Variants in TRIM33 observed in about 807,000 individuals in gnomAD.
TRIM33 encodes E3 ubiquitin-protein ligase TRIM33.
Under a neutral mutation model 125.4 loss-of-function variants are expected in TRIM33, and 20 were observed. The observed-to-expected ratio is 0.16, with a 90% confidence interval of 0.11 to 0.23. The LOEUF (loss-of-function observed/expected upper bound fraction) is 0.23. TRIM33 is among the 10% of genes least tolerant of loss of function. The pLI is 1.00. For synonymous variants in TRIM33, 564 were observed against 513.9 expected, an observed-to-expected ratio of 1.10 and a Z score of -1.32; for missense variants, 920 against 1,411.4, an observed-to-expected ratio of 0.65 and a Z score of 5.58.
intron 11 of TRIM33, among the ~76,000 whole-genome samples, chr1:114,413,285 G>A (rs773973929): frequency 9.9e-5 from 15 of 152,058 alleles, no homozygotes; most frequent in South Asian, 2.1e-4. Context: ...GTAGCTGGGC[G>A]CAGTGGCTCA....
intron 1 of TRIM33, among the ~76,000 whole-genome samples, chr1:114,474,758 G>A (rs1484203932): frequency 1.3e-5 from 2 of 151,708 alleles, no homozygotes; most frequent in Non-Finnish European, 2.9e-5. Context: ...TGGGTGTGGT[G>A]GCGCATGCCT....
intron 1 of TRIM33, among the ~76,000 whole-genome samples, chr1:114,491,675 G>A (rs374231572): frequency 1.1e-4 from 16 of 152,038 alleles, no homozygotes; most frequent in African/African-American, 3.6e-4. Context: ...GTGGTAGCAT[G>A]GGCCTGTAGT....
chr1:114,480,293 G>C (rs536336653), intron 1 of TRIM33, among the ~76,000 whole-genome samples: 1 of 152,066 alleles, frequency 6.6e-6, no homozygotes, highest in South Asian at 2.1e-4. Context: ...TGCTCCTTAA[G>C]AGTCATCACC....
chr1:114,447,278 G>A (rs1649038072), intron 4 of TRIM33, among the ~76,000 whole-genome samples: 1 of 152,140 alleles, frequency 6.6e-6, no homozygotes, highest in South Asian at 2.1e-4. Flanking sequence ...TACGTGGTAG[G>A]AGTTGGTGAT....
rs1284650317 is a variant in TRIM33, at chr1:114,405,654, G to T, written c.2524C>A (p.Pro842Thr). 1 of 1,614,154 alleles carries T rather than the reference G, an allele frequency of 6.2e-7. No individual in the cohort carries two copies. Among genetic ancestry groups the T allele is most frequent in the Non-Finnish European group, 8.5e-7 (1 of 1,180,024 alleles). The part of the protein sequence containing the change: ...ASLENHVKIE[P>T]ADMNESCKQS... ...TTGCAGCTTTCATTCATATCTGCAG[G>T]TTCAATTTTCACATGGTTTTCCAGG... The change falls in exon 15 of 20, where the codon CCT becomes ACT. Residue 842 changes from proline (P) to threonine (T), a missense_variant. Pro to Thr is a conservative substitution (Grantham distance 38). Around this residue, in one of 8 missense-constraint regions of TRIM33, gnomAD observed 407 missense variants for 589.7 expected, o/e 0.69. Transcript: ENST00000358465.
chr1:114,483,274 C>G (rs998336008), intron 1 of TRIM33, among the ~76,000 whole-genome samples: 1 of 151,764 alleles, frequency 6.6e-6, no homozygotes, highest in East Asian at 1.9e-4. Flanking sequence ...ACCACTGCAC[C>G]CCAGCCTGGG....
intron 1 of TRIM33, chr1:114,468,340 G>T: frequency 7.0e-6 from 2 of 285,824 alleles, no homozygotes; most frequent in South Asian, 6.5e-5. Flanking sequence ...GATGATTTTT[G>T]ATCCTACTAT....
At chr1:114,434,516 A>C (rs1432832573) in intron 4 of TRIM33, among the ~76,000 whole-genome samples, 1 of 152,244 alleles carries the variant, frequency 6.6e-6, no homozygotes, top group Non-Finnish European at 1.5e-5. Flanking sequence ...CTATATGTTA[A>C]AATTTTCTAA....
chr1:114,431,917 T>C (rs998647518), intron 5 of TRIM33, among the ~76,000 whole-genome samples: 4 of 152,192 alleles, frequency 2.6e-5, no homozygotes, highest in Admixed American at 6.5e-5. Flanking sequence ...GGGCTGAAGA[T>C]AGAAATCACT....
In TRIM33 at chr1:114,421,533, C is replaced by T. The variant is rs747629915; in HGVS notation, c.1964G>A (p.Arg655Gln). ...TGTAACAGATGGGCTGGTGGGACCT[C>T]GGTTTGCATTTGCCATAGTTGCTGT... ...PTTATMANAN[R>Q]GPTSPSVTAI... The change falls in exon 11 of 20, where the codon CGA becomes CAA. Residue 655 changes from arginine to glutamine, a missense_variant. Coordinates refer to ENST00000358465, the MANE Select transcript of TRIM33 (RefSeq NM_015906.4). 3.7e-6 allele frequency: 6 copies of T among 1,613,928 alleles called. No homozygotes were observed. Among genetic ancestry groups the T allele is most frequent in the South Asian group, 1.1e-5 (1 of 91,074 alleles).
rs750850900 is a variant in TRIM33, at chr1:114,448,197, A to G, written c.924-14464T>C. On this transcript the variant is annotated intron_variant, in intron 4 of 19. Coordinates refer to ENST00000358465, the MANE Select transcript of TRIM33 (RefSeq NM_015906.4). ...CATGAGAGGGGATGGAACTCAGTGTATAAGTAGAGAAATTAGCTTTCTAAA... is the reference window on the plus strand; with the variant it reads ...CATGAGAGGGGATGGAACTCAGTGTGTAAGTAGAGAAATTAGCTTTCTAAA... 1.8e-4 allele frequency among the ~76,000 whole-genome samples: 28 copies of G among 152,256 alleles called. 1 individual carries two copies. The highest frequency in any genetic ancestry group is 8.8e-5 in the Non-Finnish European group (6 of 68,028).
At chr1:114,466,812 C>T (rs1650329681) in intron 1 of TRIM33, among the ~76,000 whole-genome samples, 1 of 152,192 alleles carries the variant, frequency 6.6e-6, no homozygotes, top group African/African-American at 2.4e-5. Flanking sequence ...AGGCTGGCGT[C>T]GAACTCCTGA....
intron 19 of TRIM33, 34 bp downstream of exon 19, chr1:114,397,906 C>T: frequency 6.2e-7 from 1 of 1,613,756 alleles, no homozygotes; most frequent in Non-Finnish European, 8.5e-7. Flanking sequence ...AATGCATATT[C>T]CTTCACCAAG....
intron 4 of TRIM33, among the ~76,000 whole-genome samples, chr1:114,462,524 T>C (rs1250277590): frequency 6.6e-6 from 1 of 152,222 alleles, no homozygotes; most frequent in Admixed American, 6.5e-5. Context: ...TGGAGAAATT[T>C]ACTGAAGGAT....
At position 114,511,144 on chromosome 1, in the gene TRIM33, C is replaced by A; in HGVS notation, c.-68G>T. On this transcript the variant is annotated 5_prime_UTR_variant, in exon 1 of 20. Coordinates refer to ENST00000358465, the MANE Select transcript of TRIM33 (RefSeq NM_015906.4). ...CGCCCGCGTCGCCGCCGCCGCCGCC[C>A]CCAGCCCCAGCCGCAGCCGCAGCAA... 9.5e-7 allele frequency: 1 copy of A among 1,051,464 alleles called. No individual in the cohort carries two copies. Among genetic ancestry groups the A allele is most frequent in the African/African-American group, 1.7e-5 (1 of 58,994 alleles). The allele number at this position is 1,051,464 out of a possible 1,614,324, so 65.1% of individuals were successfully genotyped here.
chr1:114,489,776 T>G (rs1030484890), intron 1 of TRIM33, among the ~76,000 whole-genome samples: 1 of 151,734 alleles, frequency 6.6e-6, no homozygotes, highest in Non-Finnish European at 1.5e-5. Context: ...AAAAAACATG[T>G]GCTGCCAACA....
At chr1:114,477,194 C>A (rs1419660373) in intron 1 of TRIM33, among the ~76,000 whole-genome samples, 6 of 151,920 alleles carry the variant, frequency 3.9e-5, no homozygotes, top group Non-Finnish European at 8.8e-5. Flanking sequence ...AAGAAGAAAA[C>A]TATATGGTTA....
intron 4 of TRIM33, among the ~76,000 whole-genome samples, chr1:114,454,673 T>TAAA (rs34493715): frequency 1.1e-4 from 14 of 132,096 alleles, no homozygotes; most frequent in African/African-American, 2.5e-4. Context: ...AAGACTCCTC[T>TAAA]AAAAAAAAAA....
intron 8 of TRIM33, among the ~76,000 whole-genome samples, chr1:114,426,154 T>C (rs1404138342): frequency 6.6e-6 from 1 of 152,218 alleles, no homozygotes; most frequent in Non-Finnish European, 1.5e-5. Flanking sequence ...CAAAATCGTC[T>C]TCTGTGGAAA....
Sources: gnomAD v4.1 joint callset for allele counts (sites outside exome capture counted in the v4.1 genomes callset) on GRCh38, gnomAD v4.1.1 for gene constraint, gnomAD v4.1.1 regional missense constraint, MANE v1.5 for transcripts, NCBI Gene and HGNC (gene_info 2026-07-23, HGNC 2026-07-21) for gene names.